Variants in MGAT4A observed in about 807,000 individuals in gnomAD.
MGAT4A encodes the protein N-acetylglucosaminyltransferase IVa.
MGAT4A carries 33 observed loss-of-function variants against 74.1 expected under a neutral mutation model. The ratio of observed to expected loss-of-function variants is 0.45; its 90% CI spans 0.34 to 0.60. The LOEUF (loss-of-function observed/expected upper bound fraction) is 0.60, where lower values mean the gene tolerates loss of function less well. Among genes scored for constraint, MGAT4A ranks in the 20% least tolerant of loss-of-function variants. The pLI, the probability that MGAT4A is intolerant of heterozygous loss-of-function variation, is 0.02. For missense variants in MGAT4A, 479 were observed against 628.3 expected (o/e 0.76, Z 2.54); for synonymous variants, 198 against 210.4 (o/e 0.94, Z 0.51).
At chr2:98,701,147 A>G (rs1640458680) in intron 2 of MGAT4A, among the ~76,000 whole-genome samples, 1 of 152,220 alleles carries the variant, frequency 6.6e-6, no homozygotes, top group Non-Finnish European at 1.5e-5. Context: ...CTTGGATCAC[A>G]TGCTCAGAAC....
chr2:98,706,679 G>T (rs1463368931), intron 2 of MGAT4A, among the ~76,000 whole-genome samples: 1 of 151,312 alleles, frequency 6.6e-6, no homozygotes, highest in Non-Finnish European at 1.5e-5. Context: ...ATGGCATACT[G>T]CTATCTGTGT....
chr2:98,644,075 A>G (rs1420361393), intron 9 of MGAT4A, 22 bp from the exon 10 acceptor site: 17 of 1,544,388 alleles, frequency 1.1e-5, no homozygotes, highest in Non-Finnish European at 1.4e-5. Flanking sequence ...TTCCCAGTCA[A>G]TAGCTGCAAT....
intron 2 of MGAT4A, among the ~76,000 whole-genome samples, chr2:98,705,719 G>A (rs1286001714): frequency 3.3e-5 from 5 of 151,676 alleles, no homozygotes; most frequent in African/African-American, 9.7e-5. Flanking sequence ...CGAGGCAGGT[G>A]GATCATGAGG....
At chr2:98,698,787 CTCTT>C (rs1702310960) in intron 2 of MGAT4A, among the ~76,000 whole-genome samples, 1 of 152,216 alleles carries the variant, frequency 6.6e-6, no homozygotes, top group Non-Finnish European at 1.5e-5. Context: ...GATCCACCTT[CTCTT>C]TCTTTACTGG....
Position 98,673,132 on chromosome 2 carries a change from CT to C in MGAT4A, c.403+1902del, listed in dbSNP as rs542324560. Among the ~76,000 whole-genome samples, 215 of 152,204 alleles carry C rather than the reference CT, an allele frequency of 1.4e-3. 1 individual carries two copies. Among genetic ancestry groups the C allele is most frequent in the African/African-American group, 4.8e-3 (201 of 41,520 alleles). On this transcript the variant is annotated intron_variant, in intron 4 of 15. Transcript: ENST00000393487. ...GGTGGTGCGCCGACAGTTTTCTGTTCTGGGCATTGAGAATCCCAGCCGCTCC... is the reference window on the plus strand; with the variant it reads ...GGTGGTGCGCCGACAGTTTTCTGTTCGGGCATTGAGAATCCCAGCCGCTCC...
chr2:98,657,420 C>A (rs915057599), intron 6 of MGAT4A, among the ~76,000 whole-genome samples: 1 of 152,154 alleles, frequency 6.6e-6, no homozygotes, highest in Admixed American at 6.5e-5. Flanking sequence ...CTTAAGAAGT[C>A]TATGCCAAAT....
At position 98,639,760 on chromosome 2, in the gene MGAT4A, A is replaced by G. The variant is rs756485681; in HGVS notation, c.1322+48T>C. On this transcript the variant is annotated intron_variant, in intron 12 of 15. Transcript: ENST00000393487. ...AAATCTATTATAAATCACATTACGA[A>G]TAAGAGATCCAAATTGTAAGATCAC... The G allele has an allele frequency of 3.3e-6, 5 of 1,501,916 alleles. No homozygotes were observed. In the African/African-American group the frequency reaches 5.5e-5, roughly 17 times the overall value. 93.0% of individuals were successfully genotyped at this position (1,501,916 alleles called of 1,614,324 possible).
Position 98,635,143 on chromosome 2 carries a change from T to C in MGAT4A, c.1468+79A>G, listed in dbSNP as rs1701299816. The C allele has an allele frequency of 4.5e-5, 49 of 1,084,752 alleles. No homozygotes were observed. In the South Asian group the frequency reaches 6.6e-4, roughly 15 times the overall value. 67.2% of individuals were successfully genotyped at this position (1,084,752 alleles called of 1,614,324 possible). A position where few individuals can be genotyped will look rare whatever the true frequency, so the allele number is the denominator to read the frequency against. On this transcript the variant is annotated intron_variant, in intron 14 of 15. Coordinates refer to ENST00000393487, the MANE Select transcript of MGAT4A (RefSeq NM_012214.3). ...TGGTAATTGTAATCCTCAAGTTGCT[T>C]AACATCTGAAAAGAACTGAAAAGTA...
intron 9 of MGAT4A, 81 bp from the exon 10 acceptor site, chr2:98,644,134 G>A (rs1445226766): frequency 1.2e-5 from 16 of 1,319,574 alleles, no homozygotes; most frequent in South Asian, 1.8e-5. Flanking sequence ...TCTTGCCCAC[G>A]ACATACACTG....
At chr2:98,655,314 C>T in intron 8 of MGAT4A, 131 bp downstream of exon 8, 1 of 644,744 alleles carries the variant, frequency 1.6e-6, no homozygotes, top group Non-Finnish European at 2.6e-6. Context: ...GACCCCTCTG[C>T]TCTGAGATAG....
intron 2 of MGAT4A, among the ~76,000 whole-genome samples, chr2:98,709,406 C>T (rs1165050723): frequency 1.3e-5 from 2 of 151,936 alleles, no homozygotes; most frequent in Non-Finnish European, 2.9e-5. Flanking sequence ...CAGGAATGGA[C>T]AAAGGATAGA....
At position 98,708,960 on chromosome 2, in the gene MGAT4A, C is replaced by T. The variant is rs139425178; in HGVS notation, c.94+17279G>A. 3.3e-5 allele frequency among the ~76,000 whole-genome samples: 5 copies of T among 152,184 alleles called. 1 individual carries two copies. In the East Asian group the frequency reaches 5.8e-4, roughly 18 times the overall value. On this transcript the variant is annotated intron_variant, in intron 2 of 15. Coordinates refer to ENST00000393487, the MANE Select transcript of MGAT4A (RefSeq NM_012214.3). ...CTGTGGAGGACTCATCCAGAGAACA[C>T]GGCTCTACTGCCCTGGAGGCAGTGG...
chr2:98,697,143 C>A (rs750194879), intron 2 of MGAT4A, among the ~76,000 whole-genome samples: 9 of 152,082 alleles, frequency 5.9e-5, no homozygotes, highest in Non-Finnish European at 1.2e-4. Flanking sequence ...AAAAGAGAGA[C>A]TAGATTTTAG....
At chr2:98,630,315 G>A (rs1222673530) in intron 14 of MGAT4A, among the ~76,000 whole-genome samples, 1 of 152,154 alleles carries the variant, frequency 6.6e-6, no homozygotes, top group Admixed American at 6.6e-5. Context: ...AATTGTGAGG[G>A]GGAAGAAACC....
intron 13 of MGAT4A, 64 bp from the exon 14 acceptor site, chr2:98,635,352 A>G (rs1416593723): frequency 8.7e-7 from 1 of 1,151,374 alleles, no homozygotes; most frequent in Middle Eastern, 2.7e-4. Flanking sequence ...AGTTATTAAT[A>G]TATCTTAATA....
In MGAT4A at chr2:98,622,761, CAG is replaced by C. The variant is rs1701079636; in HGVS notation, c.*2803_*2804del. 1 of 985,544 alleles carries C rather than the reference CAG, an allele frequency of 1.0e-6. No homozygotes were observed. The highest frequency in any genetic ancestry group is 4.7e-5 in the South Asian group (1 of 21,292). The allele number at this position is 985,544 out of a possible 1,614,324, so 61.0% of individuals were successfully genotyped here. ...TCGCCTCAGGAACCTGAAATCTGGT[CAG>C]AGAGACAGCACACACCATACACACA... On this transcript the variant is annotated 3_prime_UTR_variant, in exon 16 of 16. Coordinates refer to ENST00000393487, the MANE Select transcript of MGAT4A (RefSeq NM_012214.3).
intron 2 of MGAT4A, among the ~76,000 whole-genome samples, chr2:98,679,365 C>T (rs1033932698): frequency 1.4e-5 from 2 of 142,572 alleles, no homozygotes; most frequent in Non-Finnish European, 3.0e-5. Flanking sequence ...GAGATCGCGC[C>T]ACTGCACTCC....
chr2:98,671,943 CAAAA>C (rs59955000), intron 4 of MGAT4A, among the ~76,000 whole-genome samples: 2 of 28,616 alleles, frequency 7.0e-5, no homozygotes, highest in African/African-American at 2.5e-4. Context: ...GTGGAAAAGG[CAAAA>C]AAAAAAAAAA....
chr2:98,698,146 T>G, intron 2 of MGAT4A, among the ~76,000 whole-genome samples: 1 of 152,174 alleles, frequency 6.6e-6, no homozygotes, highest in East Asian at 1.9e-4. Flanking sequence ...TGGTGGCTCA[T>G]GCCTATAAAA....
Sources: gnomAD v4.1 joint callset for allele counts (sites outside exome capture counted in the v4.1 genomes callset) on GRCh38, gnomAD v4.1.1 for gene constraint, MANE v1.5 for transcripts, NCBI Gene and HGNC (gene_info 2026-07-23, HGNC 2026-07-21) for gene names.